RAB38: variants seen among roughly 807,000 people sequenced by gnomAD.
The protein encoded by RAB38 is RAB38, member RAS oncogene family.
Under a neutral mutation model 18.4 loss-of-function variants are expected in RAB38, and 15 were observed. The ratio of observed to expected loss-of-function variants is 0.82; its 90% confidence interval spans 0.55 to 1.26. The LOEUF (loss-of-function observed/expected upper bound fraction) is 1.26, where lower values mean the gene tolerates loss of function less well. Ranked by LOEUF, RAB38 falls within the 50% of genes most tolerant of loss-of-function variation. RAB38 has a pLI of 0.00. For synonymous variants in RAB38, 101 were observed against 104.4 expected (o/e 0.97, Z 0.20); for missense variants, 294 against 267.4 (o/e 1.10, Z -0.69).
At chr11:88,012,957 A>G in the RAB38 span, among the ~76,000 whole-genome samples, 1 of 152,186 alleles carries the variant, frequency 6.6e-6, no homozygotes, top group Non-Finnish European at 1.5e-5. Context: ...TGTGTTACAA[A>G]GAGGGTCCAC....
the RAB38 span, among the ~76,000 whole-genome samples, chr11:88,024,593 T>C: frequency 6.6e-6 from 1 of 152,184 alleles, no homozygotes; most frequent in Non-Finnish European, 1.5e-5. Flanking sequence ...TCCATGTTTG[T>C]GGTAGCTCTG....
the RAB38 span, among the ~76,000 whole-genome samples, chr11:87,908,208 G>C: frequency 1.3e-5 from 2 of 151,890 alleles, no homozygotes; most frequent in Non-Finnish European, 2.9e-5. Context: ...TGGATTTACA[G>C]ATTAGCAAAA....
the RAB38 span, among the ~76,000 whole-genome samples, chr11:88,028,840 C>A: frequency 2.6e-5 from 4 of 152,118 alleles, no homozygotes; most frequent in East Asian, 1.9e-4. Flanking sequence ...CCCAATCTAG[C>A]AAGGCAGGCC....
the RAB38 span, among the ~76,000 whole-genome samples, chr11:88,032,204 C>A: frequency 2.0e-5 from 3 of 152,116 alleles, no homozygotes; most frequent in Non-Finnish European, 4.4e-5. Flanking sequence ...TGGATCCCTT[C>A]CTTACACCTT....
chr11:87,938,605 T>C, the RAB38 span, among the ~76,000 whole-genome samples: 2 of 146,258 alleles, frequency 1.4e-5, no homozygotes, highest in Non-Finnish European at 3.0e-5. Context: ...CTTTCTTCTC[T>C]GTTGCTCTTT....
intron 1 of RAB38, among the ~76,000 whole-genome samples, chr11:88,163,003 G>T (rs1411471903): frequency 6.6e-6 from 1 of 152,030 alleles, no homozygotes; most frequent in Non-Finnish European, 1.5e-5. Flanking sequence ...TTTTATGACT[G>T]CCTGGACTCA....
At chr11:88,023,706 A>C in the RAB38 span, among the ~76,000 whole-genome samples, 1 of 152,176 alleles carries the variant, frequency 6.6e-6, no homozygotes, top group Admixed American at 6.5e-5. Context: ...CCCATAGACC[A>C]AAGGAACAGA....
chr11:87,959,775 C>T, the RAB38 span, among the ~76,000 whole-genome samples: 3 of 152,122 alleles, frequency 2.0e-5, no homozygotes, highest in East Asian at 3.9e-4. Flanking sequence ...GACATAGCAT[C>T]GATGAGCCCA....
At chr11:88,076,683 T>C in the RAB38 span, among the ~76,000 whole-genome samples, 1 of 151,844 alleles carries the variant, frequency 6.6e-6, no homozygotes. Flanking sequence ...CTGGGTGCAG[T>C]GGCTCACGCC....
chr11:87,945,713 T>C, the RAB38 span, among the ~76,000 whole-genome samples: 1 of 152,170 alleles, frequency 6.6e-6, no homozygotes, highest in Non-Finnish European at 1.5e-5. Context: ...GATGAAATAA[T>C]GGTGGCAGAA....
At chr11:87,902,232 C>T in the RAB38 span, among the ~76,000 whole-genome samples, 133 of 151,568 alleles carry the variant, frequency 8.8e-4, 1 homozygote, top group East Asian at 9.6e-3. Flanking sequence ...AAGGAAATTT[C>T]TATAATAAGG....
At chr11:88,081,356 G>A in the RAB38 span, among the ~76,000 whole-genome samples, 2 of 151,936 alleles carry the variant, frequency 1.3e-5, no homozygotes, top group Non-Finnish European at 2.9e-5. Context: ...TATAGAAGCT[G>A]TGTTAGTTTT....
the RAB38 span, among the ~76,000 whole-genome samples, chr11:88,075,986 A>T: frequency 4.0e-5 from 6 of 151,836 alleles, no homozygotes; most frequent in Non-Finnish European, 7.4e-5. Context: ...CAGTAGAAGG[A>T]ATGAAATAGT....
chr11:87,938,521 G>C, the RAB38 span, among the ~76,000 whole-genome samples: 1 of 151,948 alleles, frequency 6.6e-6, no homozygotes, highest in Non-Finnish European at 1.5e-5. Context: ...ATGCGTAGGG[G>C]AGAGGACACG....
At chr11:88,027,489 G>A in the RAB38 span, among the ~76,000 whole-genome samples, 14 of 152,128 alleles carry the variant, frequency 9.2e-5, no homozygotes, top group Admixed American at 2.6e-4. Flanking sequence ...GGTGACAGAC[G>A]GCACCTGCAA....
the RAB38 span, among the ~76,000 whole-genome samples, chr11:88,022,179 G>C: frequency 1.3e-5 from 2 of 152,006 alleles, no homozygotes; most frequent in African/African-American, 4.8e-5. Flanking sequence ...GGGATGTAAG[G>C]ATGGCTCGAC....
chr11:88,110,043 A>G (rs1565206300), downstream of RAB38, among the ~76,000 whole-genome samples: 2 of 152,226 alleles, frequency 1.3e-5, no homozygotes, highest in African/African-American at 4.8e-5. Flanking sequence ...ATTATAAATC[A>G]TTCTACTATA....
chr11:88,075,241 T>C, the RAB38 span, among the ~76,000 whole-genome samples: 4 of 152,136 alleles, frequency 2.6e-5, no homozygotes, highest in Non-Finnish European at 1.5e-5. Context: ...TCCTGCAAAA[T>C]ACACATTCTT....
the RAB38 span, among the ~76,000 whole-genome samples, chr11:87,977,262 A>G: frequency 2.4e-3 from 250 of 103,516 alleles, 23 homozygotes; most frequent in Middle Eastern, 0.014. Flanking sequence ...TAATTATATT[A>G]TACAAGTATA....
Sources: allele counts gnomAD v4.1 joint callset (sites outside exome capture counted in the v4.1 genomes callset), GRCh38; gene constraint gnomAD v4.1.1; transcripts MANE v1.5; gene names NCBI Gene and HGNC (gene_info 2026-07-23, HGNC 2026-07-21).